The following NALF1 variants were observed in gnomAD, a reference collection of about 807,000 sequenced individuals.
NALF1 encodes NALCN channel auxiliary factor 1, also known as family with sequence similarity 155 member A.
NALF1 carries 3 observed loss-of-function variants against 48.4 expected under a neutral mutation model. The observed-to-expected ratio is 0.06, with a 90% confidence interval of 0.03 to 0.16. NALF1 has a LOEUF of 0.16. Ranked by LOEUF, NALF1 falls within the 10% of genes least tolerant of loss-of-function variation. The pLI, the probability that NALF1 is intolerant of heterozygous loss-of-function variation, is 1.00. For missense variants in NALF1, 526 were observed against 571.5 expected, an observed-to-expected ratio of 0.92 and a Z score of 0.81; for synonymous variants, 262 against 245.7, an observed-to-expected ratio of 1.07 and a Z score of -0.62.
intron 1 of NALF1, among the ~76,000 whole-genome samples, chr13:107,660,474 C>A (rs923709104): frequency 1.9e-5 from 2 of 107,210 alleles, no homozygotes; most frequent in Non-Finnish European, 1.9e-5. Flanking sequence ...CACACACACA[C>A]ACACACACAC....
At chr13:107,329,581 A>G (rs1236735525) in intron 1 of NALF1, among the ~76,000 whole-genome samples, 1 of 151,612 alleles carries the variant, frequency 6.6e-6, no homozygotes, top group African/African-American at 2.4e-5. Context: ...TACATGTGCC[A>G]TGTTGGTGTG....
At chr13:107,662,802 ACT>A (rs1314901267) in intron 1 of NALF1, among the ~76,000 whole-genome samples, 6 of 152,266 alleles carry the variant, frequency 3.9e-5, no homozygotes, top group East Asian at 3.9e-4. Flanking sequence ...GTAAAAAGAC[ACT>A]CTCGTTTTAC....
At chr13:107,333,699 T>C (rs1056314906) in intron 1 of NALF1, among the ~76,000 whole-genome samples, 2 of 152,180 alleles carry the variant, frequency 1.3e-5, no homozygotes, top group African/African-American at 2.4e-5. Flanking sequence ...TTTAAGGAGG[T>C]TGATCCATAA....
intron 1 of NALF1, among the ~76,000 whole-genome samples, chr13:107,427,795 C>G (rs1884305484): frequency 6.6e-6 from 1 of 152,104 alleles, no homozygotes; most frequent in African/African-American, 2.4e-5. Flanking sequence ...TGTTCATAAG[C>G]TGGCTGAGTG....
chr13:107,839,692 A>C (rs1879994298), intron 1 of NALF1, among the ~76,000 whole-genome samples: 1 of 149,120 alleles, frequency 6.7e-6, no homozygotes. Context: ...AGAAAAAAAA[A>C]CTCTTAAGTA....
intron 1 of NALF1, among the ~76,000 whole-genome samples, chr13:107,276,423 A>G (rs957030230): frequency 3.3e-5 from 5 of 152,212 alleles, no homozygotes; most frequent in African/African-American, 7.2e-5. Flanking sequence ...CCAACAGGAA[A>G]TAACAGATTA....
At chr13:107,833,043 G>A (rs1879787184) in intron 1 of NALF1, among the ~76,000 whole-genome samples, 2 of 152,092 alleles carry the variant, frequency 1.3e-5, no homozygotes, top group African/African-American at 4.8e-5. Flanking sequence ...TGGCCTCTCT[G>A]GTGCTCCACG....
chr13:107,297,067 G>A (rs1881740926), intron 1 of NALF1, among the ~76,000 whole-genome samples: 1 of 151,822 alleles, frequency 6.6e-6, no homozygotes, highest in African/African-American at 2.4e-5. Flanking sequence ...TGGAGCCGTG[G>A]TAGAAAAGGC....
chr13:107,507,904 C>T (rs930447770), intron 1 of NALF1, among the ~76,000 whole-genome samples: 4 of 152,120 alleles, frequency 2.6e-5, no homozygotes, highest in Admixed American at 6.6e-5. Flanking sequence ...TGCAATGCAG[C>T]GTGGCTCCAC....
intron 1 of NALF1, among the ~76,000 whole-genome samples, chr13:107,379,276 T>C (rs1287376411): frequency 6.6e-6 from 1 of 152,152 alleles, no homozygotes; most frequent in African/African-American, 2.4e-5. Context: ...GCTTGTGTTA[T>C]CACCAAGGAA....
chr13:107,628,379 T>C (rs1403714058), intron 1 of NALF1, among the ~76,000 whole-genome samples: 2 of 152,154 alleles, frequency 1.3e-5, no homozygotes, highest in African/African-American at 4.8e-5. Context: ...CAGTTCCCAC[T>C]TTTGCTTTCA....
At chr13:107,793,974 C>T (rs1211485141) in intron 1 of NALF1, among the ~76,000 whole-genome samples, 1 of 152,126 alleles carries the variant, frequency 6.6e-6, no homozygotes, top group Non-Finnish European at 1.5e-5. Context: ...ACCCTCAGGA[C>T]AATATGTCTG....
Position 107,297,319 on chromosome 13 carries a change from G to A in NALF1, c.916-86564C>T, listed in dbSNP as rs1881745211. The stretch of plus-strand genomic sequence containing the variant: ...GCTAGAATGTTTTAGTGACTAATTT[G>A]ATAATGAAAAGAAACAGTATTTTTC... On this transcript the variant is annotated intron_variant, in intron 1 of 2. Transcript: ENST00000375915. Among the ~76,000 whole-genome samples the A allele has an allele frequency of 2.0e-5, 3 of 152,228 alleles. No individual in the cohort carries two copies. In the South Asian group the frequency reaches 6.2e-4, roughly 32 times the overall value.
chr13:107,776,121 C>G (rs1877723455), intron 1 of NALF1, among the ~76,000 whole-genome samples: 1 of 152,210 alleles, frequency 6.6e-6, no homozygotes, highest in Admixed American at 6.5e-5. Flanking sequence ...AACAAATGCA[C>G]AAACTGAGCT....
At chr13:107,856,716 T>C (rs1880448295) in intron 1 of NALF1, among the ~76,000 whole-genome samples, 1 of 152,188 alleles carries the variant, frequency 6.6e-6, no homozygotes, top group Non-Finnish European at 1.5e-5. Flanking sequence ...CATCTCACCA[T>C]GCAAAGTCAC....
chr13:107,394,404 A>AT (rs1883676734), intron 1 of NALF1, among the ~76,000 whole-genome samples: 1 of 152,178 alleles, frequency 6.6e-6, no homozygotes, highest in African/African-American at 2.4e-5. Flanking sequence ...TGTATAGAGT[A>AT]TATGTGCTGT....
chr13:107,661,802 C>T (rs1250941698), intron 1 of NALF1, among the ~76,000 whole-genome samples: 2 of 152,152 alleles, frequency 1.3e-5, no homozygotes, highest in African/African-American at 2.4e-5. Flanking sequence ...TTCTACAACA[C>T]TAATTTTATA....
At chr13:107,797,237 G>A (rs548723808) in intron 1 of NALF1, among the ~76,000 whole-genome samples, 65 of 152,026 alleles carry the variant, frequency 4.3e-4, no homozygotes, top group African/African-American at 1.4e-3. Flanking sequence ...ACGGAGTCTC[G>A]CTCTGTCACC....
rs190598026 is a variant in NALF1 at position 107,210,827 on chromosome 13, C to G, written c.916-72G>C. 302 of 1,031,540 alleles carry G rather than the reference C, an allele frequency of 2.9e-4. 1 individual carries two copies. The African/African-American group carries it at 3.2e-3, about 11-fold the overall frequency. The allele number at this position is 1,031,540 out of a possible 1,614,324, so 63.9% of individuals were successfully genotyped here. A position where few individuals can be genotyped will look rare whatever the true frequency, so the allele number is the denominator to read the frequency against. On this transcript the variant is annotated intron_variant, in intron 1 of 2. Coordinates refer to ENST00000375915, the MANE Select transcript of NALF1 (RefSeq NM_001080396.3). Reference sequence around the variant, plus strand: ...ACAGTGATAGAGGCACTGTGAGAAGCGTGCAAGCGTGCTGTGGTTTCAAGT... The same window carrying G: ...ACAGTGATAGAGGCACTGTGAGAAGGGTGCAAGCGTGCTGTGGTTTCAAGT...
Sources: allele counts gnomAD v4.1 joint callset (sites outside exome capture counted in the v4.1 genomes callset), GRCh38; gene constraint gnomAD v4.1.1; transcripts MANE v1.5; gene names NCBI Gene and HGNC (gene_info 2026-07-23, HGNC 2026-07-21).